LCOR: variants seen among roughly 807,000 people sequenced by gnomAD.
LCOR encodes the protein ligand-dependent corepressor.
A neutral mutation model predicts 64.4 loss-of-function variants in LCOR; 14 were observed. The ratio of observed to expected loss-of-function variants is 0.22; its 90% CI spans 0.14 to 0.34. LCOR has a LOEUF of 0.34. LCOR is among the 10% of genes least tolerant of loss of function. The probability of loss-of-function intolerance (pLI) is 1.00; values close to 1 mark genes in which losing one functional copy is unlikely to be tolerated. For synonymous variants in LCOR, 643 were observed against 642.5 expected (o/e 1.00, Z -0.01); for missense variants, 1,686 against 1,765.3 (o/e 0.96, Z 0.80).
intron 5 of LCOR, among the ~76,000 whole-genome samples, chr10:96,945,410 T>C (rs1274253069): frequency 1.3e-5 from 2 of 152,156 alleles, no homozygotes; most frequent in Non-Finnish European, 2.9e-5. Context: ...TTTTTCCCAT[T>C]TTCTTCCATT....
At chr10:96,930,588 T>C (rs933213448) in intron 4 of LCOR, among the ~76,000 whole-genome samples, 3 of 152,234 alleles carry the variant, frequency 2.0e-5, no homozygotes, top group Non-Finnish European at 4.4e-5. Context: ...AATAACTTCC[T>C]AAAGCATTTC....
chr10:96,943,888 CA>C (rs1847541871), intron 4 of LCOR, among the ~76,000 whole-genome samples: 1 of 151,814 alleles, frequency 6.6e-6, no homozygotes, highest in Non-Finnish European at 1.5e-5. Context: ...AAATTTTGAA[CA>C]AAACTCATAG....
At position 96,869,146 on chromosome 10, in the gene LCOR, A is replaced by AT. The variant is rs201969153; in HGVS notation, c.-330+35668dup. On this transcript the variant is annotated intron_variant, in intron 2 of 7. Coordinates refer to ENST00000421806, the MANE Select transcript of LCOR (RefSeq NM_001346516.2). ...GTCTCAAAGCTCGCAACCTCAAGTG[A>AT]TCCCCCCGCTTCGGCCTCCCAAAGT... Among the ~76,000 whole-genome samples, 196 of 152,134 alleles carry AT rather than the reference A, an allele frequency of 1.3e-3. 2 individuals are homozygous for AT. In the East Asian group the frequency reaches 0.036, roughly 28 times the overall value.
intron 4 of LCOR, among the ~76,000 whole-genome samples, chr10:96,940,029 G>A (rs539577721): frequency 2.6e-5 from 4 of 152,328 alleles, no homozygotes; most frequent in South Asian, 4.1e-4. Flanking sequence ...CAATAAGCAC[G>A]TGAAAAGATG....
At chr10:96,897,110 A>AAG (rs1313646427) in intron 2 of LCOR, among the ~76,000 whole-genome samples, 54 of 151,816 alleles carry the variant, frequency 3.6e-4, no homozygotes, top group Non-Finnish European at 6.9e-4. Flanking sequence ...GCAAAAAAAA[A>AAG]AAAAAAACCC....
Position 96,930,866 on chromosome 10 carries a change from C to T in LCOR, c.-183-13247C>T, listed in dbSNP as rs150991658. Among the ~76,000 whole-genome samples, 362 of 152,108 alleles carry T rather than the reference C, an allele frequency of 2.4e-3. 5 individuals are homozygous for T. The highest frequency in any genetic ancestry group is 7.9e-3 in the African/African-American group (328 of 41,508). On this transcript the variant is annotated intron_variant, in intron 4 of 7. Coordinates refer to ENST00000421806, the MANE Select transcript of LCOR (RefSeq NM_001346516.2). ...CAGCAAGAAGGCCTTCACCAGACACCGAATGCTGTTGCCATGATTGTGGAA... is the reference window on the plus strand; with the variant it reads ...CAGCAAGAAGGCCTTCACCAGACACTGAATGCTGTTGCCATGATTGTGGAA...
chr10:96,937,415 G>A (rs550280488), intron 4 of LCOR, among the ~76,000 whole-genome samples: 4 of 152,156 alleles, frequency 2.6e-5, no homozygotes, highest in African/African-American at 9.6e-5. Flanking sequence ...ACACCCCTAG[G>A]GAACTAATAC....
At position 96,956,024 on chromosome 10, in the gene LCOR, GCTT is replaced by G. The variant is rs540959329; in HGVS notation, c.332+3832_332+3834del. 6.0e-5 allele frequency: 90 copies of G among 1,494,514 alleles called. No individual in the cohort carries two copies. The African/African-American group carries it at 1.1e-3, about 19-fold the overall frequency. 92.6% of individuals were successfully genotyped at this position (1,494,514 alleles called of 1,614,324 possible). A position where few individuals can be genotyped will look rare whatever the true frequency, so the allele number is the denominator to read the frequency against. On this transcript the variant is annotated intron_variant, in intron 7 of 7. Coordinates refer to ENST00000421806, the MANE Select transcript of LCOR (RefSeq NM_001346516.2). ...CGTAATTTCATTTACTGTGACACTT[GCTT>G]CTTTGCAGATTTTGCATTGACTTGT...
At chr10:96,851,500 A>G (rs1292660293) in intron 2 of LCOR, among the ~76,000 whole-genome samples, 2 of 152,204 alleles carry the variant, frequency 1.3e-5, no homozygotes, top group Non-Finnish European at 2.9e-5. Context: ...ACACTGCCGA[A>G]AAAGTGCCTG....
intron 5 of LCOR, among the ~76,000 whole-genome samples, chr10:96,948,783 ATAT>A (rs908270247): frequency 2.6e-5 from 4 of 152,154 alleles, no homozygotes; most frequent in Non-Finnish European, 5.9e-5. Flanking sequence ...TAATTTCATA[ATAT>A]TCAATTATTA....
chr10:96,956,595 T>C, intron 7 of LCOR: 1 of 985,798 alleles, frequency 1.0e-6, no homozygotes, highest in Non-Finnish European at 1.2e-6. Context: ...TGGTGGAAAA[T>C]GTGCACACAC....
intron 2 of LCOR, among the ~76,000 whole-genome samples, chr10:96,905,263 A>G (rs1238146461): frequency 6.6e-6 from 1 of 152,110 alleles, no homozygotes; most frequent in Non-Finnish European, 1.5e-5. Flanking sequence ...TCAAGAATTT[A>G]CGCTCAGCCC....
intron 7 of LCOR, among the ~76,000 whole-genome samples, chr10:96,964,810 T>C (rs1847931497): frequency 6.6e-6 from 1 of 152,166 alleles, no homozygotes; most frequent in South Asian, 2.1e-4. Flanking sequence ...TTCTTAAGAG[T>C]ATAAAACTTA....
At chr10:96,892,520 A>G (rs972077299) in intron 2 of LCOR, among the ~76,000 whole-genome samples, 1 of 152,096 alleles carries the variant, frequency 6.6e-6, no homozygotes, top group Non-Finnish European at 1.5e-5. Flanking sequence ...TCTTTTTGCT[A>G]TGTTCTCACA....
Position 96,982,388 on chromosome 10 carries a change from G to C in LCOR, c.1928G>C (p.Gly643Ala), listed in dbSNP as rs1848098795. Residue 643 changes from glycine (G) to alanine (A), a missense_variant, in exon 8 of 8, where the codon GGG becomes GCG. This residue lies in a region of LCOR where 1,293 missense variants were observed against 1,410.4 expected (regional missense o/e 0.92). Coordinates refer to ENST00000421806, the MANE Select transcript of LCOR (RefSeq NM_001346516.2). The stretch of plus-strand genomic sequence containing the variant: ...ACAGTCTCAGCTCCCACAGCAAGTG[G>C]GATGTCTTCTCCTGAACACAACCAA... ...GSTVSAPTAS[G>A]MSSPEHNQPP... 3.1e-6 allele frequency: 5 copies of C among 1,614,170 alleles called. No homozygotes were observed. Among genetic ancestry groups the C allele is most frequent in the Non-Finnish European group, 4.2e-6 (5 of 1,180,012 alleles).
intron 2 of LCOR, among the ~76,000 whole-genome samples, chr10:96,866,892 A>G (rs1291106066): frequency 6.6e-6 from 1 of 152,132 alleles, no homozygotes; most frequent in Non-Finnish European, 1.5e-5. Context: ...AATTCTTGAA[A>G]GAGGTTGTGC....
At chr10:96,907,395 A>C (rs1846747769) in intron 3 of LCOR, 65 bp downstream of exon 3, 1 of 481,544 alleles carries the variant, frequency 2.1e-6, no homozygotes, top group African/African-American at 2.1e-5. Context: ...TTGGTGTTTT[A>C]AGCCTCAGTC....
At chr10:96,979,772 T>C (rs1263299551) in intron 7 of LCOR, among the ~76,000 whole-genome samples, 1 of 152,214 alleles carries the variant, frequency 6.6e-6, no homozygotes, top group African/African-American at 2.4e-5. Flanking sequence ...TTTCTATTCC[T>C]TTATACTCCC....
intron 2 of LCOR, among the ~76,000 whole-genome samples, chr10:96,851,908 C>G (rs999956040): frequency 1.3e-5 from 2 of 152,092 alleles, no homozygotes; most frequent in African/African-American, 4.8e-5. Context: ...AATGGTATGT[C>G]ATATTTTTTA....
Sources: gnomAD v4.1 joint callset for allele counts (sites outside exome capture counted in the v4.1 genomes callset) on GRCh38, gnomAD v4.1.1 for gene constraint, gnomAD v4.1.1 regional missense constraint, MANE v1.5 for transcripts, NCBI Gene and HGNC (gene_info 2026-07-23, HGNC 2026-07-21) for gene names.